DPH6: variants seen among roughly 807,000 people sequenced by gnomAD.
DPH6 encodes the protein diphthamine biosynthesis 6.
A neutral mutation model predicts 38.2 loss-of-function variants in DPH6; 33 were observed. The ratio of observed to expected loss-of-function variants is 0.86; its 90% CI spans 0.65 to 1.15. The LOEUF (loss-of-function observed/expected upper bound fraction) is 1.15. Among genes scored for constraint, DPH6 ranks in the 50% most tolerant of loss-of-function variants. The pLI, the probability that DPH6 is intolerant of heterozygous loss-of-function variation, is 0.00. For missense variants in DPH6, 325 were observed against 320.0 expected (o/e 1.02, Z -0.12); for synonymous variants, 108 against 103.0 (o/e 1.05, Z -0.30).
At chr15:35,351,362 C>A (rs2052508966) in intron 3 of DPH6, among the ~76,000 whole-genome samples, 1 of 152,036 alleles carries the variant, frequency 6.6e-6, no homozygotes, top group Non-Finnish European at 1.5e-5. Flanking sequence ...TCCATTTAGC[C>A]ACTGTATATA....
At chr15:35,392,798 T>C (rs1198467270) in intron 6 of DPH6, among the ~76,000 whole-genome samples, 1 of 152,150 alleles carries the variant, frequency 6.6e-6, no homozygotes, top group Non-Finnish European at 1.5e-5. Flanking sequence ...TTAAGCTGAG[T>C]TCTAAAGGAT....
At chr15:35,483,565 G>A (rs1429667028) in intron 3 of DPH6, among the ~76,000 whole-genome samples, 4 of 151,948 alleles carry the variant, frequency 2.6e-5, no homozygotes, top group Non-Finnish European at 5.9e-5. Flanking sequence ...AACGAATAGT[G>A]AAGATAATGG....
chr15:35,164,566 T>C, the DPH6 span, among the ~76,000 whole-genome samples: 1 of 151,916 alleles, frequency 6.6e-6, no homozygotes, highest in East Asian at 1.9e-4. Context: ...AATTAAAAGT[T>C]TAGTATAAAA....
chr15:35,283,689 A>G (rs868147778), intron 3 of DPH6, among the ~76,000 whole-genome samples: 39 of 152,002 alleles, frequency 2.6e-4, no homozygotes, highest in African/African-American at 8.2e-4. Context: ...TGTTCAACCT[A>G]AAGTAAAAAC....
chr15:35,237,716 T>C (rs2051564446), intron 3 of DPH6: 1 of 1,613,424 alleles, frequency 6.2e-7, no homozygotes, highest in Non-Finnish European at 8.5e-7. Context: ...CCTGAACGAC[T>C]ACCGAGAAAA....
At chr15:35,462,376 T>C (rs2054076506) in intron 3 of DPH6, among the ~76,000 whole-genome samples, 1 of 152,140 alleles carries the variant, frequency 6.6e-6, no homozygotes, top group Admixed American at 6.5e-5. Flanking sequence ...TCCAAGCTCC[T>C]TGCAGATAGC....
At chr15:35,391,440 G>A (rs577056187) in intron 6 of DPH6, among the ~76,000 whole-genome samples, 1 of 152,294 alleles carries the variant, frequency 6.6e-6, no homozygotes, top group Non-Finnish European at 1.5e-5. Context: ...GCCCCCAGAG[G>A]TGGAGCCTAC....
At chr15:35,327,289 A>G (rs2052290358), downstream of DPH6, among the ~76,000 whole-genome samples, 1 of 150,820 alleles carries the variant, frequency 6.6e-6, no homozygotes, top group South Asian at 2.1e-4. Context: ...AATCAAATAT[A>G]ATTTTTCTGC....
At chr15:35,195,969 C>A in the DPH6 span, among the ~76,000 whole-genome samples, 1 of 152,042 alleles carries the variant, frequency 6.6e-6, no homozygotes, top group African/African-American at 2.4e-5. Flanking sequence ...CAAGTGTGGG[C>A]TGGTTGGAGG....
At chr15:35,318,652 A>G (rs2052213403) in intron 3 of DPH6, among the ~76,000 whole-genome samples, 1 of 152,182 alleles carries the variant, frequency 6.6e-6, no homozygotes, top group Non-Finnish European at 1.5e-5. Flanking sequence ...ATCAAGAACT[A>G]AAAACAACAA....
In DPH6 at chr15:35,522,680, T is replaced by C. The variant is rs116324347; in HGVS notation, c.312+15594A>G. On this transcript the variant is annotated intron_variant, in intron 3 of 8. Coordinates refer to ENST00000256538, the MANE Select transcript of DPH6 (RefSeq NM_080650.4). ...CCCCCAATACCATTCAGTGCATTTT[T>C]AAGTAGATGCCAAATCTTCAACAAG... Among the ~76,000 whole-genome samples, 1,196 of 152,178 alleles carry C rather than the reference T, an allele frequency of 7.9e-3. 29 individuals carry two copies. Among genetic ancestry groups the C allele is most frequent in the African/African-American group, 0.027 (1,140 of 41,556 alleles).
chr15:35,326,587 G>C (rs111547123), downstream of DPH6, among the ~76,000 whole-genome samples: 8 of 151,796 alleles, frequency 5.3e-5, no homozygotes, highest in Non-Finnish European at 1.2e-4. Context: ...ATGCACCACC[G>C]TGCCCAGCTA....
intron 3 of DPH6, among the ~76,000 whole-genome samples, chr15:35,301,848 C>A (rs776045689): frequency 1.6e-4 from 25 of 152,172 alleles, no homozygotes; most frequent in Non-Finnish European, 2.8e-4. Context: ...GTGGCATGTG[C>A]CTGTAATCCC....
intron 3 of DPH6, among the ~76,000 whole-genome samples, chr15:35,504,958 C>A (rs1357230359): frequency 6.6e-6 from 1 of 152,016 alleles, no homozygotes; most frequent in African/African-American, 2.4e-5. Context: ...GCATGAATAG[C>A]CATCAAATTA....
intron 2 of DPH6, among the ~76,000 whole-genome samples, chr15:35,539,693 C>T (rs2141562428): frequency 6.6e-6 from 1 of 152,138 alleles, no homozygotes; most frequent in Admixed American, 6.6e-5. Flanking sequence ...GTTATTTTGA[C>T]ATATACCTAT....
At position 35,381,909 on chromosome 15, in the gene DPH6, T is replaced by C; in HGVS notation, c.575A>G (p.Lys192Arg). Residue 192 changes from lysine (K) to arginine (R), a missense_variant, in exon 7 of 9, where the codon AAG (lysine) becomes AGG (arginine). Coordinates refer to ENST00000256538, the MANE Select transcript of DPH6 (RefSeq NM_080650.4). Reference protein sequence around the residue: ...QMEPYLIELSKKYGVHVCGEG... With the variant: ...QMEPYLIELSRKYGVHVCGEG... ...TCCACAAACATGTACTCCATACTTC[T>C]TAGAAAGCTGAAAATAGGAAAACAC... is the stretch of plus-strand genomic sequence containing the variant. 2.5e-6 allele frequency: 4 copies of C among 1,609,814 alleles called. No homozygotes were observed. The highest frequency in any genetic ancestry group is 1.1e-5 in the South Asian group (1 of 89,986).
chr15:35,539,662 T>C (rs2055222786), intron 2 of DPH6, among the ~76,000 whole-genome samples: 1 of 152,032 alleles, frequency 6.6e-6, no homozygotes, highest in Non-Finnish European at 1.5e-5. Context: ...CACAAAATGC[T>C]ATTAAAAAAA....
chr15:35,515,236 T>C (rs985303811), intron 3 of DPH6, among the ~76,000 whole-genome samples: 10 of 151,810 alleles, frequency 6.6e-5, no homozygotes, highest in Non-Finnish European at 1.3e-4. Flanking sequence ...CTTCTTTTCC[T>C]CTCTTTCATT....
At chr15:35,253,128 A>C (rs1443518259) in intron 3 of DPH6, among the ~76,000 whole-genome samples, 1 of 152,230 alleles carries the variant, frequency 6.6e-6, no homozygotes, top group Non-Finnish European at 1.5e-5. Context: ...AAACATGCAA[A>C]TTGCTCTTCC....
Sources: allele counts gnomAD v4.1 joint callset (sites outside exome capture counted in the v4.1 genomes callset), GRCh38; gene constraint gnomAD v4.1.1; transcripts MANE v1.5; gene names NCBI Gene and HGNC (gene_info 2026-07-23, HGNC 2026-07-21).